The following DPF3 variants were observed in gnomAD, a reference collection of about 807,000 sequenced individuals.
DPF3 encodes zinc finger protein DPF3.
In DPF3, 18 loss-of-function variants were observed where a neutral mutation model predicts 56.8. The observed-to-expected ratio is 0.32, with a 90% confidence interval of 0.22 to 0.47. The LOEUF (loss-of-function observed/expected upper bound fraction) is 0.47. DPF3 is among the 20% of genes least tolerant of loss of function. DPF3 has a pLI of 1.00. For synonymous variants in DPF3, 188 were observed against 180.2 expected, an observed-to-expected ratio of 1.04 and a Z score of -0.35; for missense variants, 403 against 488.8, an observed-to-expected ratio of 0.82 and a Z score of 1.65.
At chr14:72,634,681 G>C (rs972389977) in intron 8 of DPF3, among the ~76,000 whole-genome samples, 14 of 149,546 alleles carry the variant, frequency 9.4e-5, no homozygotes, top group African/African-American at 2.4e-4. Flanking sequence ...AATTGCAGTT[G>C]TTGCCATTAA....
chr14:72,867,795 G>A (rs1314899993), intron 1 of DPF3, among the ~76,000 whole-genome samples: 1 of 152,192 alleles, frequency 6.6e-6, no homozygotes, highest in Admixed American at 6.5e-5. Flanking sequence ...CTGGAGTGCA[G>A]TGGCACAATC....
rs1891535823 is a variant in DPF3 at position 72,771,632 on chromosome 14, G to A, written c.193+101C>T. 9.6e-6 allele frequency: 14 copies of A among 1,458,752 alleles called. No homozygotes were observed. In the South Asian group the frequency reaches 9.9e-5, roughly 10 times the overall value. 90.4% of individuals were successfully genotyped at this position (1,458,752 alleles called of 1,614,324 possible). A position where few individuals can be genotyped will look rare whatever the true frequency, so the allele number is the denominator to read the frequency against. ...GCCCATGTGCAGCTTGCCCCACCCCGATCCTACCCAGGCTGCCTGGTTTCC... is the reference window on the plus strand; with the variant it reads ...GCCCATGTGCAGCTTGCCCCACCCCAATCCTACCCAGGCTGCCTGGTTTCC... On this transcript the variant is annotated intron_variant, in intron 2 of 10. Transcript: ENST00000556509.
intron 6 of DPF3, among the ~76,000 whole-genome samples, chr14:72,710,927 A>G (rs1417381106): frequency 6.6e-6 from 1 of 152,246 alleles, no homozygotes; most frequent in Non-Finnish European, 1.5e-5. Flanking sequence ...CAGGTGATTT[A>G]ACATTTCTCT....
chr14:72,772,957 G>A (rs568691644), intron 1 of DPF3, among the ~76,000 whole-genome samples: 2 of 152,152 alleles, frequency 1.3e-5, no homozygotes, highest in Admixed American at 1.3e-4. Flanking sequence ...GAGTTCACAG[G>A]GGCAAAAGGG....
chr14:72,614,601 C>T lies in DPF3; in HGVS notation c.*4696G>A, dbSNP rs2153565203. 6.6e-6 allele frequency among the ~76,000 whole-genome samples: 1 copy of T among 152,192 alleles called. No individual in the cohort carries two copies. The highest frequency in any genetic ancestry group is 2.4e-5 in the African/African-American group (1 of 41,500). On this transcript the variant is annotated 3_prime_UTR_variant, in exon 11 of 11. Coordinates refer to ENST00000556509, the MANE Select transcript of DPF3 (RefSeq NM_001280542.3). ...ATCCAGCCCTCCCTCACTGCCTTCT[C>T]TCCCCAGCTGGGTGAGGGGCTTACT...
chr14:72,834,392 G>T (rs547418469), intron 1 of DPF3, among the ~76,000 whole-genome samples: 1 of 151,626 alleles, frequency 6.6e-6, no homozygotes, highest in African/African-American at 2.4e-5. Flanking sequence ...AGCTATTCGG[G>T]AGGCTGAGGC....
chr14:72,713,760 C>T (rs540769579), intron 6 of DPF3, among the ~76,000 whole-genome samples: 68 of 152,280 alleles, frequency 4.5e-4, no homozygotes, highest in African/African-American at 1.5e-3. Context: ...GCAGGTTTCC[C>T]GAGGTCCACC....
intron 7 of DPF3, 100 bp from the exon 8 acceptor site, chr14:72,674,468 T>C: frequency 6.8e-7 from 1 of 1,467,132 alleles, no homozygotes; most frequent in Non-Finnish European, 9.0e-7. Flanking sequence ...CCAGAAGGAA[T>C]CTGAGGTTTT....
intron 8 of DPF3, chr14:72,671,476 C>A (rs1182657524): frequency 3.3e-6 from 4 of 1,230,686 alleles, no homozygotes; most frequent in Non-Finnish European, 4.7e-6. Context: ...TAACCCGGTG[C>A]ATCACCTGGT....
chr14:72,833,316 G>A (rs112431311), intron 1 of DPF3, among the ~76,000 whole-genome samples: 21 of 152,304 alleles, frequency 1.4e-4, no homozygotes, highest in African/African-American at 4.3e-4. Context: ...CTAGGTAGAC[G>A]ATGACAACAC....
chr14:72,877,352 C>T (rs1886154554), intron 1 of DPF3, among the ~76,000 whole-genome samples: 1 of 151,950 alleles, frequency 6.6e-6, no homozygotes, highest in African/African-American at 2.4e-5. Context: ...CAGACCAGTT[C>T]CTCTGGGCAG....
At chr14:72,863,332 G>A (rs545356716) in intron 1 of DPF3, among the ~76,000 whole-genome samples, 106 of 151,914 alleles carry the variant, frequency 7.0e-4, no homozygotes, top group Non-Finnish European at 6.0e-4. Context: ...GTGCTCAGTG[G>A]ACTCAGGAGG....
chr14:72,701,785 G>A (rs1334879592), intron 6 of DPF3, among the ~76,000 whole-genome samples: 3 of 152,160 alleles, frequency 2.0e-5, no homozygotes, highest in Non-Finnish European at 4.4e-5. Flanking sequence ...GCATCCCAGA[G>A]ACAAAGCCTG....
chr14:72,819,927 G>GA (rs1232235133), intron 1 of DPF3, among the ~76,000 whole-genome samples: 5 of 152,174 alleles, frequency 3.3e-5, no homozygotes, highest in African/African-American at 1.2e-4. Context: ...GACAAAGTGA[G>GA]AACTTGTCTT....
At chr14:72,732,562 G>A (rs1261277052) in intron 3 of DPF3, among the ~76,000 whole-genome samples, 8 of 152,218 alleles carry the variant, frequency 5.3e-5, no homozygotes, top group Admixed American at 4.6e-4. Flanking sequence ...GAGGAGCGAC[G>A]GCGAATGCCT....
intron 1 of DPF3, among the ~76,000 whole-genome samples, chr14:72,803,520 T>A (rs972884617): frequency 1.3e-5 from 2 of 152,206 alleles, no homozygotes; most frequent in Non-Finnish European, 2.9e-5. Context: ...TAGTTCTGAT[T>A]TTTAGATACA....
chr14:72,734,024 A>T (rs1889785644), intron 3 of DPF3, among the ~76,000 whole-genome samples: 1 of 152,178 alleles, frequency 6.6e-6, no homozygotes, highest in Non-Finnish European at 1.5e-5. Context: ...GCTACCACGA[A>T]ATCAGCCACC....
intron 6 of DPF3, among the ~76,000 whole-genome samples, chr14:72,698,003 A>C (rs960448379): frequency 6.6e-6 from 1 of 152,172 alleles, no homozygotes; most frequent in Non-Finnish European, 1.5e-5. Flanking sequence ...GTCTTCACAC[A>C]AGCTCTTTCC....
intron 1 of DPF3, among the ~76,000 whole-genome samples, chr14:72,793,246 A>T (rs1016888175): frequency 1.1e-4 from 17 of 152,228 alleles, no homozygotes; most frequent in Admixed American, 1.1e-3. Flanking sequence ...TTGGCCATTT[A>T]ACAAGGCAGC....
Sources: gnomAD v4.1 joint callset for allele counts (sites outside exome capture counted in the v4.1 genomes callset) on GRCh38, gnomAD v4.1.1 for gene constraint, MANE v1.5 for transcripts, NCBI Gene and HGNC (gene_info 2026-07-23, HGNC 2026-07-21) for gene names.